Variants in STARD13 observed in about 807,000 individuals in gnomAD.
The protein encoded by STARD13 is StAR related lipid transfer domain containing 13, also known as stAR-related lipid transfer protein 13.
STARD13 carries 62 observed loss-of-function variants against 106.4 expected under a neutral mutation model. The ratio of observed to expected loss-of-function variants is 0.58; its 90% CI spans 0.48 to 0.72. The LOEUF (loss-of-function observed/expected upper bound fraction) is 0.72, where lower values mean the gene tolerates loss of function less well. STARD13 is among the 30% of genes least tolerant of loss of function. The pLI is 0.00. For synonymous variants in STARD13, 565 were observed against 553.0 expected, an observed-to-expected ratio of 1.02 and a Z score of -0.31; for missense variants, 1,387 against 1,424.0, an observed-to-expected ratio of 0.97 and a Z score of 0.42.
intron 3 of STARD13, among the ~76,000 whole-genome samples, chr13:33,143,945 C>G (rs775154212): frequency 2.0e-4 from 31 of 152,144 alleles, no homozygotes; most frequent in Non-Finnish European, 4.3e-4. Context: ...AAATTAGTAC[C>G]CATCATTCCT....
the STARD13 span, among the ~76,000 whole-genome samples, chr13:33,407,823 C>T: frequency 1.3e-5 from 2 of 152,132 alleles, no homozygotes; most frequent in African/African-American, 4.8e-5. Context: ...TTGGTGGTAG[C>T]GAGGAACCAT....
chr13:33,590,474 A>G, the STARD13 span, among the ~76,000 whole-genome samples: 2 of 151,960 alleles, frequency 1.3e-5, no homozygotes, highest in Non-Finnish European at 2.9e-5. Flanking sequence ...GATAGACTGG[A>G]TTAAGAAAAT....
intron 1 of STARD13, among the ~76,000 whole-genome samples, chr13:33,308,262 T>A (rs1425960142): frequency 6.6e-6 from 1 of 151,102 alleles, no homozygotes; most frequent in Non-Finnish European, 1.5e-5. Context: ...AACTAAAATG[T>A]TCCTTTGCAT....
the STARD13 span, among the ~76,000 whole-genome samples, chr13:33,499,591 CTTCTTCTTCTTCTTTCTTCTTCTTCTT>C: frequency 3.1e-5 from 2 of 64,006 alleles, no homozygotes; most frequent in African/African-American, 1.1e-4. Context: ...TCTTCTTCTT[CTTCTTCTTCTTCTTTCTTCTTCTTCTT>C]CTTCTTCTTC....
the STARD13 span, among the ~76,000 whole-genome samples, chr13:33,401,426 A>C: frequency 6.6e-6 from 1 of 152,170 alleles, no homozygotes; most frequent in Non-Finnish European, 1.5e-5. Context: ...GCAGAGAGCC[A>C]AGCCTCCCAA....
In STARD13 at chr13:33,110,904, G is replaced by C. The variant is rs1566530217; in HGVS notation, c.2611C>G (p.Pro871Ala). The stretch of plus-strand genomic sequence containing the variant: ...CGAGACTGGGCCACCAACTCGTGTG[G>C]AACCTAGACCAACGGATGCATGAAA... ...IMECDRLFEV[P>A]HELVAQSRNS... is the part of the protein sequence containing the mutation. The change falls in exon 11 of 14, where the codon CCA becomes GCA. Residue 871 changes from proline to alanine, a missense_variant. Coordinates refer to ENST00000336934, the MANE Select transcript of STARD13 (RefSeq NM_178006.4). 1 of 1,612,516 alleles carries C rather than the reference G, an allele frequency of 6.2e-7. No homozygotes were observed. The highest frequency in any genetic ancestry group is 8.5e-7 in the Non-Finnish European group (1 of 1,179,758).
chr13:33,243,145 C>T (rs2858136), intron 1 of STARD13, among the ~76,000 whole-genome samples: 106,809 of 152,122 alleles, frequency 0.7, 38,001 homozygotes, highest in Middle Eastern at 0.74. Context: ...TAGCACAGTG[C>T]ACCTCCTCTT....
At chr13:33,474,655 G>T in the STARD13 span, among the ~76,000 whole-genome samples, 1 of 152,152 alleles carries the variant, frequency 6.6e-6, no homozygotes, top group Non-Finnish European at 1.5e-5. Flanking sequence ...GAAATTGGCA[G>T]CATACACTTC....
At chr13:33,449,370 C>A in the STARD13 span, among the ~76,000 whole-genome samples, 1 of 152,126 alleles carries the variant, frequency 6.6e-6, no homozygotes, top group Non-Finnish European at 1.5e-5. Context: ...TTCCTTTCCC[C>A]ATTTTGTATT....
At chr13:33,291,551 TA>T (rs1892292708) in intron 1 of STARD13, among the ~76,000 whole-genome samples, 2 of 152,212 alleles carry the variant, frequency 1.3e-5, no homozygotes, top group African/African-American at 4.8e-5. Flanking sequence ...TGGGAGGCTT[TA>T]TTTTTTATAA....
In STARD13 at chr13:33,205,793, T is replaced by C. The variant is rs781141577; in HGVS notation, c.170-38171A>G. 261 of 950,410 alleles carry C rather than the reference T, an allele frequency of 2.7e-4. 1 individual carries two copies. The highest frequency in any genetic ancestry group is 5.4e-4 in the Middle Eastern group (1 of 1,868). The allele number at this position is 950,410 out of a possible 1,614,324, so 58.9% of individuals were successfully genotyped here. A position where few individuals can be genotyped will look rare whatever the true frequency, so the allele number is the denominator to read the frequency against. On this transcript the variant is annotated intron_variant, in intron 1 of 13. Transcript: ENST00000336934. ...TGTTGTCTTTCCCACCACCACGACC[T>C]CTTTTTCTATGGAACACAAACTTAC...
chr13:33,333,276 T>C (rs950339456), intron 1 of STARD13, among the ~76,000 whole-genome samples: 7 of 152,010 alleles, frequency 4.6e-5, no homozygotes, highest in Non-Finnish European at 1.0e-4. Flanking sequence ...AAATCCCAGC[T>C]ACTCAGGAGG....
At chr13:33,346,588 T>C (rs1451591814), downstream of STARD13, among the ~76,000 whole-genome samples, 3 of 152,164 alleles carry the variant, frequency 2.0e-5, no homozygotes, top group Non-Finnish European at 4.4e-5. Context: ...CAGAATGCCC[T>C]AGATAGCAAA....
chr13:33,236,017 C>T lies in STARD13; in HGVS notation c.169+49453G>A, dbSNP rs144774768. 9.7e-4 allele frequency among the ~76,000 whole-genome samples: 147 copies of T among 152,284 alleles called. No individual in the cohort carries two copies. The East Asian group carries it at 0.011, about 11-fold the overall frequency. ...CCCCCCAAATCAGTTTACATAAATA[C>T]ATAATGCATATATCTTGCTCTCTTA... is the stretch of plus-strand genomic sequence containing the variant. On this transcript the variant is annotated intron_variant, in intron 1 of 13. Transcript: ENST00000336934.
At chr13:33,343,959 C>T (rs375776126), downstream of STARD13, among the ~76,000 whole-genome samples, 5 of 151,890 alleles carry the variant, frequency 3.3e-5, no homozygotes, top group African/African-American at 9.7e-5. Flanking sequence ...TTTTCTGTCC[C>T]TGTGATAGGA....
At chr13:33,425,523 T>C in the STARD13 span, among the ~76,000 whole-genome samples, 1 of 152,224 alleles carries the variant, frequency 6.6e-6, no homozygotes, top group Non-Finnish European at 1.5e-5. Flanking sequence ...GGTACATTTT[T>C]GTTTATTGTA....
At position 33,103,241 on chromosome 13, in the gene STARD13, A is replaced by T. The variant is rs1391922029; in HGVS notation, c.*2352T>A. 3 of 152,682 alleles carry T rather than the reference A, an allele frequency of 2.0e-5. No individual in the cohort carries two copies. The highest frequency in any genetic ancestry group is 2.0e-4 in the Admixed American group (3 of 15,286). The allele number at this position is 152,682 out of a possible 1,614,324, so 9.5% of individuals were successfully genotyped here. ...ATCAACAATTGAGGTAAAAATATAC[A>T]TGAGGTATAAATATAATATTTAAAT... On this transcript the variant is annotated 3_prime_UTR_variant, in exon 14 of 14. Coordinates refer to ENST00000336934, the MANE Select transcript of STARD13 (RefSeq NM_178006.4).
At chr13:33,181,917 CT>C (rs1447945324) in intron 1 of STARD13, among the ~76,000 whole-genome samples, 9 of 117,694 alleles carry the variant, frequency 7.6e-5, no homozygotes, top group African/African-American at 2.9e-4. Context: ...AAAGATTTCC[CT>C]GTTTTCCCAC....
chr13:33,497,822 C>T, the STARD13 span, among the ~76,000 whole-genome samples: 6 of 152,204 alleles, frequency 3.9e-5, no homozygotes, highest in East Asian at 1.9e-4. Flanking sequence ...CGTGTGAGAG[C>T]GTCCTGGCAT....
Sources: gnomAD v4.1 joint callset for allele counts (sites outside exome capture counted in the v4.1 genomes callset) on GRCh38, gnomAD v4.1.1 for gene constraint, MANE v1.5 for transcripts, NCBI Gene and HGNC (gene_info 2026-07-23, HGNC 2026-07-21) for gene names.